OSMR: variants seen among roughly 807,000 people sequenced by gnomAD.
OSMR encodes oncostatin-M-specific receptor subunit beta.
Under a neutral mutation model 99.9 loss-of-function variants are expected in OSMR, and 81 were observed. The observed-to-expected ratio is 0.81, with a 90% confidence interval of 0.68 to 0.97. OSMR has a LOEUF of 0.97. OSMR is among the 50% of genes least tolerant of loss of function. OSMR has a pLI of 0.00. For missense variants in OSMR, 1,099 were observed against 1,153.4 expected, an observed-to-expected ratio of 0.95 and a Z score of 0.68; for synonymous variants, 406 against 410.4, an observed-to-expected ratio of 0.99 and a Z score of 0.13.
At chr5:38,911,256 T>G (rs1307056928) in intron 9 of OSMR, among the ~76,000 whole-genome samples, 1 of 152,194 alleles carries the variant, frequency 6.6e-6, no homozygotes, top group East Asian at 1.9e-4. Flanking sequence ...CATTACCACT[T>G]GACCCCATAG....
At chr5:38,893,651 A>C (rs553639452) in intron 7 of OSMR, among the ~76,000 whole-genome samples, 18 of 146,104 alleles carry the variant, frequency 1.2e-4, no homozygotes, top group Non-Finnish European at 2.4e-4. Context: ...AAAATGAACA[A>C]AGTCTTTAAG....
intron 1 of OSMR, among the ~76,000 whole-genome samples, chr5:38,861,795 G>GT (rs1741363285): frequency 6.7e-6 from 1 of 149,356 alleles, no homozygotes. Context: ...CGGGCAGAGG[G>GT]GCTCCTCACC....
intron 1 of OSMR, among the ~76,000 whole-genome samples, chr5:38,943,832 C>CAAAATAA (rs1747877376): frequency 6.6e-6 from 1 of 151,926 alleles, no homozygotes. Context: ...ATACAAAATA[C>CAAAATAA]AAAATAAAAA....
intron 7 of OSMR, among the ~76,000 whole-genome samples, chr5:38,888,406 A>T (rs1743939534): frequency 7.8e-6 from 1 of 128,682 alleles, no homozygotes; most frequent in Admixed American, 8.4e-5. Flanking sequence ...TTGCACACTG[A>T]AGTTTGGGTG....
At chr5:38,886,274 G>T in intron 7 of OSMR, 84 bp downstream of exon 7, 1 of 1,607,108 alleles carries the variant, frequency 6.2e-7, no homozygotes, top group South Asian at 1.1e-5. Context: ...ATGTGCTGTA[G>T]ATCTTTGCCT....
downstream of OSMR, chr5:38,938,298 T>C (rs1427226570): frequency 1.8e-5 from 4 of 226,856 alleles, no homozygotes; most frequent in East Asian, 2.6e-4. Flanking sequence ...TTTTTCACAA[T>C]TCCTTACCAC....
Position 38,921,784 on chromosome 5 carries a change from C to T in OSMR, c.1755C>T (p.Val585=), listed in dbSNP as rs1448871810. 1.9e-6 allele frequency: 3 copies of T among 1,613,358 alleles called. 1 individual carries two copies. The South Asian group carries it at 3.3e-5, about 18-fold the overall frequency. The change falls in exon 12 of 18, where the codon GTC becomes GTT. Residue 585 remains valine (V), a synonymous_variant. Transcript: ENST00000274276. ...KNVGPNTTST[V]ISTDAFRPGV... ...TAGGTCCCAATACCACAAGCACAGT[C>T]ATTAGCACAGGTAAGAAGAAGCTTC... is the stretch of plus-strand genomic sequence containing the variant.
chr5:38,887,418 A>AT (rs1486457931), intron 7 of OSMR, among the ~76,000 whole-genome samples: 12 of 152,144 alleles, frequency 7.9e-5, no homozygotes, highest in African/African-American at 2.9e-4. Context: ...TATGACACTG[A>AT]TTTTTTCTGT....
intron 2 of OSMR, among the ~76,000 whole-genome samples, chr5:38,870,624 C>G (rs1742313623): frequency 6.6e-6 from 1 of 152,214 alleles, no homozygotes; most frequent in African/African-American, 2.4e-5. Flanking sequence ...ATAAAACCGA[C>G]TTTTTATACC....
intron 7 of OSMR, among the ~76,000 whole-genome samples, chr5:38,896,140 T>C (rs1348056561): frequency 6.6e-6 from 1 of 152,144 alleles, no homozygotes; most frequent in Non-Finnish European, 1.5e-5. Context: ...TCTGGGTTTG[T>C]GGTTCCATAT....
chr5:38,900,421 C>T (rs188260826), intron 7 of OSMR, among the ~76,000 whole-genome samples: 269 of 152,234 alleles, frequency 1.8e-3, no homozygotes, highest in African/African-American at 6.2e-3. Flanking sequence ...TATGAAGGTG[C>T]TTTTTTTCAT....
intron 7 of OSMR, among the ~76,000 whole-genome samples, chr5:38,897,597 G>C (rs1395438319): frequency 6.6e-6 from 1 of 151,498 alleles, no homozygotes; most frequent in East Asian, 1.9e-4. Context: ...GAACCAGTTG[G>C]TCTTTTGTAT....
At chr5:38,848,474 G>A (rs1740066029) in intron 1 of OSMR, among the ~76,000 whole-genome samples, 1 of 152,150 alleles carries the variant, frequency 6.6e-6, no homozygotes, top group South Asian at 2.1e-4. Flanking sequence ...CTATTTTTGT[G>A]TTTTAAAAAT....
At chr5:38,862,919 C>A (rs535833242) in intron 1 of OSMR, among the ~76,000 whole-genome samples, 1 of 151,944 alleles carries the variant, frequency 6.6e-6, no homozygotes, top group African/African-American at 2.4e-5. Flanking sequence ...CCCAGCACCT[C>A]GGGAGGCCGA....
intron 9 of OSMR, among the ~76,000 whole-genome samples, chr5:38,908,555 C>A (rs955290702): frequency 6.6e-6 from 1 of 152,214 alleles, no homozygotes; most frequent in Non-Finnish European, 1.5e-5. Flanking sequence ...GCCTCTCCAA[C>A]ACAGCAGGTT....
intron 9 of OSMR, among the ~76,000 whole-genome samples, chr5:38,910,778 A>G (rs1033204697): frequency 6.6e-6 from 1 of 152,192 alleles, no homozygotes; most frequent in African/African-American, 2.4e-5. Flanking sequence ...TGGGAGGCCA[A>G]CGTGGGCAGA....
chr5:38,887,874 A>C (rs1050730939), intron 7 of OSMR, among the ~76,000 whole-genome samples: 1 of 152,106 alleles, frequency 6.6e-6, no homozygotes, highest in Non-Finnish European at 1.5e-5. Context: ...TAAAGTTTTA[A>C]ATTTTTCCCT....
intron 1 of OSMR, among the ~76,000 whole-genome samples, chr5:38,851,111 G>A (rs1740314193): frequency 6.6e-6 from 1 of 152,140 alleles, no homozygotes. Flanking sequence ...CTGTCAACTA[G>A]TTTAATCATG....
chr5:38,909,054 A>G (rs1745414907), intron 9 of OSMR, among the ~76,000 whole-genome samples: 1 of 152,220 alleles, frequency 6.6e-6, no homozygotes, highest in Non-Finnish European at 1.5e-5. Context: ...AAAAGACAAA[A>G]TGTCCATTTA....
Sources: gnomAD v4.1 joint callset for allele counts (sites outside exome capture counted in the v4.1 genomes callset) on GRCh38, gnomAD v4.1.1 for gene constraint, MANE v1.5 for transcripts, NCBI Gene and HGNC (gene_info 2026-07-23, HGNC 2026-07-21) for gene names.